Variants in MSRA observed in about 807,000 individuals in gnomAD.
MSRA encodes the protein mitochondrial peptide methionine sulfoxide reductase.
MSRA carries 54 observed loss-of-function variants against 31.3 expected under a neutral mutation model. That is an observed-to-expected ratio of 1.73 (90% CI 1.39 to 2.17). MSRA has a LOEUF of 2.17. MSRA is among the 30% of genes most tolerant of loss of function. The pLI is 0.00. For missense variants in MSRA, 507 were observed against 300.9 expected (o/e 1.69, Z -5.07); for synonymous variants, 169 against 116.5 (o/e 1.45, Z -2.90).
chr8:10,140,385 A>T (rs1281195095), intron 1 of MSRA, among the ~76,000 whole-genome samples: 1 of 152,190 alleles, frequency 6.6e-6, no homozygotes, highest in Non-Finnish European at 1.5e-5. Flanking sequence ...TTCAGGTAGC[A>T]TGTCCTGAAC....
chr8:10,387,218 C>T (rs1806450000), intron 5 of MSRA, among the ~76,000 whole-genome samples: 1 of 152,224 alleles, frequency 6.6e-6, no homozygotes, highest in South Asian at 2.1e-4. Context: ...TCCTGAGTAA[C>T]ATGATCGATG....
At chr8:10,162,568 GC>G (rs917088970) in intron 1 of MSRA, among the ~76,000 whole-genome samples, 2 of 152,140 alleles carry the variant, frequency 1.3e-5, no homozygotes, top group African/African-American at 4.8e-5. Context: ...GTCAGTGGGG[GC>G]TACCATGGGG....
Position 10,310,342 on chromosome 8 carries a change from A to G in MSRA, c.436+8704A>G, listed in dbSNP as rs144358090. 6.6e-5 allele frequency among the ~76,000 whole-genome samples: 10 copies of G among 152,320 alleles called. No individual in the cohort carries two copies. In the East Asian group the frequency reaches 1.9e-3, roughly 29 times the overall value. ...AAACAGAGAAAAATGAAACAAAAGA[A>G]TTTAACTGATATTTTTATTAATTGT... On this transcript the variant is annotated intron_variant, in intron 4 of 5. Transcript: ENST00000317173.
intron 2 of MSRA, among the ~76,000 whole-genome samples, chr8:10,239,120 T>G (rs1241505203): frequency 6.6e-6 from 1 of 152,004 alleles, no homozygotes; most frequent in Non-Finnish European, 1.5e-5. Flanking sequence ...ATATACTATG[T>G]GAAGAGATGC....
intron 1 of MSRA, among the ~76,000 whole-genome samples, chr8:10,188,078 A>G (rs569303215): frequency 8.4e-4 from 128 of 152,374 alleles, no homozygotes; most frequent in Middle Eastern, 6.8e-3. Flanking sequence ...CTTTTGAAAT[A>G]GTTGAAGACT....
intron 2 of MSRA, among the ~76,000 whole-genome samples, chr8:10,242,585 T>C (rs1563260100): frequency 1.3e-5 from 2 of 152,196 alleles, no homozygotes; most frequent in African/African-American, 2.4e-5. Flanking sequence ...TTTTGTTTTA[T>C]AACAAAAGGC....
chr8:10,383,077 C>T (rs1405682198), intron 5 of MSRA, among the ~76,000 whole-genome samples: 1 of 152,220 alleles, frequency 6.6e-6, no homozygotes, highest in East Asian at 1.9e-4. Context: ...GTTCACCCAC[C>T]TGACCCTTGG....
chr8:10,230,492 T>C (rs528903582), intron 2 of MSRA, among the ~76,000 whole-genome samples: 1 of 152,304 alleles, frequency 6.6e-6, no homozygotes, highest in African/African-American at 2.4e-5. Context: ...TTGTGGGTTA[T>C]AAAAGTAATG....
At chr8:10,375,158 C>G (rs1805687773) in intron 5 of MSRA, among the ~76,000 whole-genome samples, 1 of 152,240 alleles carries the variant, frequency 6.6e-6, no homozygotes, top group Admixed American at 6.5e-5. Flanking sequence ...GAATAACACA[C>G]TTGTACAGCC....
At chr8:10,089,987 C>T (rs1427049060) in intron 1 of MSRA, among the ~76,000 whole-genome samples, 1 of 152,192 alleles carries the variant, frequency 6.6e-6, no homozygotes, top group Non-Finnish European at 1.5e-5. Flanking sequence ...CAAATTTCAA[C>T]ATGAGACTTG....
chr8:10,400,649 AGGT>A (rs1359655500), intron 5 of MSRA, among the ~76,000 whole-genome samples: 1 of 152,028 alleles, frequency 6.6e-6, no homozygotes, highest in Non-Finnish European at 1.5e-5. Context: ...CTGGTTGCTG[AGGT>A]GGTGGCAGGA....
Position 10,283,631 on chromosome 8 carries a change from C to G in MSRA, c.332-17903C>G, listed in dbSNP as rs1438188994. Among the ~76,000 whole-genome samples the G allele has an allele frequency of 2.6e-5, 4 of 151,402 alleles. No homozygotes were observed. In the East Asian group the frequency reaches 7.9e-4, roughly 30 times the overall value. On this transcript the variant is annotated intron_variant, in intron 3 of 5. Coordinates refer to ENST00000317173, the MANE Select transcript of MSRA (RefSeq NM_012331.5). ...CTGAGTCCCCAAAAGTCCATTTTGT[C>G]ATTCTTATGCCTTTGCATCCTCATA...
At chr8:10,210,641 C>G (rs950894139) in intron 2 of MSRA, among the ~76,000 whole-genome samples, 1 of 152,114 alleles carries the variant, frequency 6.6e-6, no homozygotes, top group Non-Finnish European at 1.5e-5. Flanking sequence ...GTGAGTTCAT[C>G]AAAACAGTGA....
At chr8:10,152,808 G>T (rs1377002258) in intron 1 of MSRA, among the ~76,000 whole-genome samples, 1 of 152,130 alleles carries the variant, frequency 6.6e-6, no homozygotes, top group East Asian at 1.9e-4. Context: ...TCTGTGCAAT[G>T]GAATAGTATT....
intron 3 of MSRA, among the ~76,000 whole-genome samples, chr8:10,259,070 G>T (rs1412793963): frequency 6.6e-6 from 1 of 150,754 alleles, no homozygotes; most frequent in Non-Finnish European, 1.5e-5. Flanking sequence ...TCTTGCCACT[G>T]CACTCCAGCT....
chr8:10,152,379 G>A (rs1803767039), intron 1 of MSRA, among the ~76,000 whole-genome samples: 1 of 152,160 alleles, frequency 6.6e-6, no homozygotes, highest in Admixed American at 6.5e-5. Flanking sequence ...GTGTAATAAA[G>A]AGGTATTTTT....
At chr8:10,203,315 C>G (rs1009771393) in intron 1 of MSRA, among the ~76,000 whole-genome samples, 5 of 152,234 alleles carry the variant, frequency 3.3e-5, no homozygotes, top group Admixed American at 1.3e-4. Flanking sequence ...TCCCTTGTAT[C>G]CAGGTCACCT....
At chr8:10,203,955 TA>T (rs1270746282) in intron 1 of MSRA, among the ~76,000 whole-genome samples, 1 of 151,718 alleles carries the variant, frequency 6.6e-6, no homozygotes, top group African/African-American at 2.4e-5. Flanking sequence ...ACAGAAAATT[TA>T]AAAAGTAAAA....
chr8:10,347,839 G>T (rs1178796331), intron 5 of MSRA, among the ~76,000 whole-genome samples: 1 of 152,122 alleles, frequency 6.6e-6, no homozygotes, highest in Non-Finnish European at 1.5e-5. Flanking sequence ...CCTTTCTGCT[G>T]CCTTTACCAC....
Sources: allele counts gnomAD v4.1 joint callset (sites outside exome capture counted in the v4.1 genomes callset), GRCh38; gene constraint gnomAD v4.1.1; transcripts MANE v1.5; gene names NCBI Gene and HGNC (gene_info 2026-07-23, HGNC 2026-07-21).